SLC6A18: variants seen among roughly 807,000 people sequenced by gnomAD.
SLC6A18 encodes the protein inactive sodium-dependent neutral amino acid transporter B(0)AT3.
SLC6A18 carries 58 observed loss-of-function variants against 62.9 expected under a neutral mutation model. The observed-to-expected ratio is 0.92, with a 90% confidence interval of 0.75 to 1.15. SLC6A18 has a LOEUF of 1.15. Among genes scored for constraint, SLC6A18 ranks in the 50% most tolerant of loss-of-function variants. The pLI is 0.00. For missense variants in SLC6A18, 793 were observed against 836.6 expected (o/e 0.95, Z 0.64); for synonymous variants, 382 against 365.8 (o/e 1.04, Z -0.51).
At chr5:1,239,333 G>A (rs1458150459) in intron 5 of SLC6A18, 117 bp from the exon 6 acceptor site, 1 of 731,904 alleles carries the variant, frequency 1.4e-6, no homozygotes, top group East Asian at 2.5e-5. Context: ...TGTCTGTACA[G>A]GTCACACTTG....
At chr5:1,234,543 G>A (rs1746835334) in intron 3 of SLC6A18, among the ~76,000 whole-genome samples, 1 of 152,248 alleles carries the variant, frequency 6.6e-6, no homozygotes. Flanking sequence ...GGGTCACTTA[G>A]GCCAGCCCTT....
Position 1,237,954 on chromosome 5 carries a change from T to C in SLC6A18, c.626T>C (p.Ile209Thr). 1 of 1,613,880 alleles carries C rather than the reference T, an allele frequency of 6.2e-7. No homozygotes were observed. The highest frequency in any genetic ancestry group is 8.5e-7 in the Non-Finnish European group (1 of 1,179,762). ...IRGIETTGKV[I>T]YFTALFPYLV... ...GACTCCACCTTTTGTTTCAAGGTGA[T>C]TTACTTCACAGCTTTGTTCCCTTAC... Residue 209 changes from isoleucine to threonine, a missense_variant, in exon 5 of 12, where the codon ATT becomes ACT. Ile to Thr is a moderately conservative substitution (Grantham distance 89). Transcript: ENST00000324642.
intron 7 of SLC6A18, 45 bp downstream of exon 7, chr5:1,240,704 G>A (rs200194964): frequency 1.2e-6 from 2 of 1,607,778 alleles, no homozygotes; most frequent in African/African-American, 1.3e-5. Context: ...ACAGCCGCCA[G>A]ACAGGTGCCT....
In SLC6A18 at chr5:1,241,595, G is replaced by A. The variant is rs1256126376; in HGVS notation, c.974+936G>A. 6.6e-6 allele frequency among the ~76,000 whole-genome samples: 1 copy of A among 152,172 alleles called. No homozygotes were observed. The highest frequency in any genetic ancestry group is 1.5e-5 in the Non-Finnish European group (1 of 68,030). On this transcript the variant is annotated intron_variant, in intron 7 of 11. Transcript: ENST00000324642. The surrounding 1 kb of genome is among the most constrained non-coding windows in gnomAD (Gnocchi z 7.8). ...CGTCACCAAGAAAACGCACACAAAA[G>A]TGGAAAACATGGCACTCACAGGCCA...
At chr5:1,244,178 C>CCCCTTTCCCCCCCCACCCCTTT in intron 9 of SLC6A18, 36 bp from the exon 10 acceptor site, 1 of 593,890 alleles carries the variant, frequency 1.7e-6, no homozygotes, top group Non-Finnish European at 3.1e-6. Flanking sequence ...CACTCCCCAT[C>CCCCTTTCCCCCCCCACCCCTTT]CCCTTACCCC....
At chr5:1,229,947 A>G in intron 1 of SLC6A18, among the ~76,000 whole-genome samples, 1 of 110,696 alleles carries the variant, frequency 9.0e-6, no homozygotes, top group Non-Finnish European at 1.8e-5. Context: ...GAGGGGAGGG[A>G]AGAAGGGCTG....
In SLC6A18 at chr5:1,239,506, C is replaced by T; in HGVS notation, c.789C>T (p.Phe263=). The change falls in exon 6 of 12, where the codon TTC becomes TTT. Residue 263 remains phenylalanine, a synonymous_variant. Transcript: ENST00000324642. ...VWLDAATQIF[F]SLSLAFGGHI... is the part of the protein sequence containing the mutation. The stretch of plus-strand genomic sequence containing the variant: ...TGGACGCAGCCACCCAGATATTCTT[C>T]TCTCTGTCCCTGGCCTTCGGAGGAC... The T allele has an allele frequency of 6.2e-7, 1 of 1,614,208 alleles. No homozygotes were observed. Among genetic ancestry groups the T allele is most frequent in the East Asian group, 2.2e-5 (1 of 44,892 alleles).
rs988306288 is a variant in SLC6A18 at position 1,243,183 on chromosome 5, G to A, written c.1131+320G>A. On this transcript the variant is annotated intron_variant, in intron 8 of 11. Coordinates refer to ENST00000324642, the MANE Select transcript of SLC6A18 (RefSeq NM_182632.3). The surrounding 1 kb of genome is among the most constrained non-coding windows in gnomAD (Gnocchi z 6.5). ...CATGAGGGTCACAGTGCCAGGGCAT[G>A]GCTGGGGTCAAGCCACACTCAGGGC... is the stretch of plus-strand genomic sequence containing the variant. Among the ~76,000 whole-genome samples the A allele has an allele frequency of 6.6e-6, 1 of 152,188 alleles. No homozygotes were observed. The highest frequency in any genetic ancestry group is 2.4e-5 in the African/African-American group (1 of 41,446).
In SLC6A18 at chr5:1,243,978, C is replaced by T. The variant is rs1270067260; in HGVS notation, c.1336+219C>T. Among the ~76,000 whole-genome samples, 1 of 152,144 alleles carries T rather than the reference C, an allele frequency of 6.6e-6. No individual in the cohort carries two copies. The highest frequency in any genetic ancestry group is 1.5e-5 in the Non-Finnish European group (1 of 67,998). ...GCCCCTCCCCCACGGCCCCGGAGGC[C>T]ACATCCCCCATCTGGAGCAGGAAAG... On this transcript the variant is annotated intron_variant, in intron 9 of 11. Transcript: ENST00000324642. The surrounding 1 kb of genome is among the most constrained non-coding windows in gnomAD (Gnocchi z 6.5).
chr5:1,244,494 G>A, intron 10 of SLC6A18, 114 bp from the exon 11 acceptor site: 1 of 1,547,698 alleles, frequency 6.5e-7, no homozygotes, highest in Non-Finnish European at 8.7e-7. Context: ...GCCCTGGGGA[G>A]CTGCCGAGGC....
At chr5:1,226,527 T>C (rs1253741615) in intron 1 of SLC6A18, among the ~76,000 whole-genome samples, 1 of 152,228 alleles carries the variant, frequency 6.6e-6, no homozygotes, top group Non-Finnish European at 1.5e-5. Context: ...TCCCTTGTTA[T>C]AAGGTTACTC....
At chr5:1,233,258 A>G (rs1370969593) in intron 3 of SLC6A18, among the ~76,000 whole-genome samples, 2 of 152,224 alleles carry the variant, frequency 1.3e-5, no homozygotes, top group Non-Finnish European at 2.9e-5. Flanking sequence ...TGGGCAGATC[A>G]CTTGAGGTCA....
chr5:1,238,337 C>G (rs1746949218), intron 5 of SLC6A18, among the ~76,000 whole-genome samples: 1 of 118,412 alleles, frequency 8.4e-6, no homozygotes, highest in African/African-American at 3.0e-5. Context: ...TTGGAGTGAG[C>G]CTGGGGCCTC....
intron 1 of SLC6A18, among the ~76,000 whole-genome samples, chr5:1,231,638 C>T (rs780104860): frequency 2.0e-4 from 30 of 152,190 alleles, no homozygotes; most frequent in Non-Finnish European, 3.7e-4. Flanking sequence ...AGCCAACAGG[C>T]GACCTCACAC....
At chr5:1,225,694 C>T in intron 1 of SLC6A18, 57 bp downstream of exon 1, 1 of 1,491,154 alleles carries the variant, frequency 6.7e-7, no homozygotes, top group Non-Finnish European at 8.9e-7. Flanking sequence ...CCGTCTCCAC[C>T]CTGACCTGCC....
In SLC6A18 at chr5:1,235,567, A is replaced by G. The variant is rs1202146827; in HGVS notation, c.526A>G (p.Ser176Gly). Residue 176 changes from serine to glycine, a missense_variant, in exon 4 of 12, where the codon AGT becomes GGT. Coordinates refer to ENST00000324642, the MANE Select transcript of SLC6A18 (RefSeq NM_182632.3). ...TLNITADINDSGSIQWWLLIC... is the reference protein window; with the variant it reads ...TLNITADINDGGSIQWWLLIC... ...GAACATCACAGCCGACATCAATGACAGTGGCTCCATCCAGTGGTGGCTGCT... is the reference window on the plus strand; with the variant it reads ...GAACATCACAGCCGACATCAATGACGGTGGCTCCATCCAGTGGTGGCTGCT... The G allele has an allele frequency of 1.2e-6, 2 of 1,613,942 alleles. No homozygotes were observed. Among genetic ancestry groups the G allele is most frequent in the Non-Finnish European group, 1.7e-6 (2 of 1,180,034 alleles).
Position 1,246,085 on chromosome 5 carries a change from C to T in SLC6A18, c.*7C>T. On this transcript the variant is annotated 3_prime_UTR_variant, in exon 12 of 12. Transcript: ENST00000324642. The stretch of plus-strand genomic sequence containing the variant: ...GGACACGGACATGCGCTGAAGCCGG[C>T]CGGAGCGGGGCCTGCATGGGCGGGT... 2 of 1,557,050 alleles carry T rather than the reference C, an allele frequency of 1.3e-6. No individual in the cohort carries two copies. The highest frequency in any genetic ancestry group is 1.7e-6 in the Non-Finnish European group (2 of 1,157,234).
Position 1,232,259 on chromosome 5 carries a change from G to C in SLC6A18, c.201G>C (p.Glu67Asp). The change falls in exon 2 of 12, where the codon GAG becomes GAC. Residue 67 changes from glutamate to aspartate, a missense_variant. Glu to Asp is a conservative substitution (Grantham distance 45, BLOSUM62 2). Transcript: ENST00000324642. ...CCTACGTCATCGCGCTGGTCTTCGA[G>C]GGGATCCCCATTTTCCACGTCGAGC... ...LIPYVIALVF[E>D]GIPIFHVELA... The C allele has an allele frequency of 6.2e-7, 1 of 1,613,014 alleles. No homozygotes were observed. Among genetic ancestry groups the C allele is most frequent in the East Asian group, 2.2e-5 (1 of 44,874 alleles).
chr5:1,230,212 G>A (rs1302297041), intron 1 of SLC6A18, among the ~76,000 whole-genome samples: 1 of 150,642 alleles, frequency 6.6e-6, no homozygotes, highest in Non-Finnish European at 1.5e-5. Context: ...GGGGAAGAGG[G>A]GCTCTCACGG....
Sources: allele counts gnomAD v4.1 joint callset (sites outside exome capture counted in the v4.1 genomes callset), GRCh38; gene constraint gnomAD v4.1.1; non-coding constraint Gnocchi (gnomAD v3.1); transcripts MANE v1.5; gene names NCBI Gene and HGNC (gene_info 2026-07-23, HGNC 2026-07-21).